The following SWT1 variants were observed in gnomAD, a reference collection of about 807,000 sequenced individuals.
The protein encoded by SWT1 is transcriptional protein SWT1.
SWT1 carries 33 observed loss-of-function variants against 107.3 expected under a neutral mutation model. The observed-to-expected ratio is 0.31, with a 90% CI of 0.23 to 0.41. SWT1 has a LOEUF of 0.41. Among genes scored for constraint, SWT1 ranks in the 10% least tolerant of loss-of-function variants. The pLI is 1.00. For missense variants in SWT1, 898 were observed against 1,028.9 expected (o/e 0.87, Z 1.74); for synonymous variants, 345 against 348.3 (o/e 0.99, Z 0.11).
At chr1:185,216,167 T>C (rs552061712) in intron 14 of SWT1, among the ~76,000 whole-genome samples, 111 of 152,292 alleles carry the variant, frequency 7.3e-4, no homozygotes, top group Middle Eastern at 3.4e-3. Flanking sequence ...AGTGGAAATA[T>C]GTGATCATTC....
At chr1:185,218,326 G>C (rs1408567751) in intron 14 of SWT1, among the ~76,000 whole-genome samples, 1 of 151,920 alleles carries the variant, frequency 6.6e-6, no homozygotes, top group African/African-American at 2.4e-5. Flanking sequence ...TTTTTTGGGA[G>C]ACAGGGTCTC....
At chr1:185,234,975 A>G (rs1660759160) in intron 16 of SWT1, among the ~76,000 whole-genome samples, 1 of 152,192 alleles carries the variant, frequency 6.6e-6, no homozygotes, top group South Asian at 2.1e-4. Context: ...AATTGGATAA[A>G]TTTCTGGACA....
Position 185,204,748 on chromosome 1 carries a change from G to A in SWT1, c.1718G>A (p.Gly573Glu). 1 of 1,600,082 alleles carries A rather than the reference G, an allele frequency of 6.2e-7. No homozygotes were observed. The highest frequency in any genetic ancestry group is 8.5e-7 in the Non-Finnish European group (1 of 1,174,524). Residue 573 changes from glycine to glutamate, a missense_variant, in exon 12 of 19, where the codon GGA becomes GAA. Around this residue, in one of 6 missense-constraint regions of SWT1, gnomAD observed 382 missense variants for 460.0 expected, o/e 0.83. Coordinates refer to ENST00000367500, the MANE Select transcript of SWT1 (RefSeq NM_017673.7). The part of the protein sequence containing the change: ...ESYKEESTNS[G>E]LSILLESIVS... ...TATAAGGAGGAATCTACAAATTCTG[G>A]ACTGTCCATTCTGCTTGAGAGCATT... is the stretch of plus-strand genomic sequence containing the variant.
chr1:185,244,491 A>G (rs528851167), intron 16 of SWT1, among the ~76,000 whole-genome samples: 2 of 152,018 alleles, frequency 1.3e-5, no homozygotes, highest in Middle Eastern at 6.8e-3. Context: ...TATAAAAGAT[A>G]AAAAAAAGGT....
chr1:185,290,759 A>C lies in SWT1; in HGVS notation c.2659A>C (p.Lys887Gln). The C allele has an allele frequency of 6.2e-7, 1 of 1,605,740 alleles. No homozygotes were observed. Among genetic ancestry groups the C allele is most frequent in the Non-Finnish European group, 8.5e-7 (1 of 1,174,574 alleles). ...CAATGCATCTGTTTATATGGAGGCC[A>C]AAAACAGGGGATGGTGTGAAGACAT... Reference protein sequence around the residue: ...QCNASVYMEAKNRGWCEDMLN... With the variant: ...QCNASVYMEAQNRGWCEDMLN... The change falls in exon 19 of 19, where the codon AAA becomes CAA. Residue 887 changes from lysine to glutamine, a missense_variant. Around this residue, in one of 6 missense-constraint regions of SWT1, gnomAD observed 382 missense variants for 460.0 expected, o/e 0.83. Coordinates refer to ENST00000367500, the MANE Select transcript of SWT1 (RefSeq NM_017673.7).
intron 16 of SWT1, among the ~76,000 whole-genome samples, chr1:185,258,338 C>G (rs531626984): frequency 5.9e-4 from 90 of 152,174 alleles, no homozygotes; most frequent in African/African-American, 2.0e-3. Context: ...TTTTAAATCA[C>G]CACTCCAAAT....
intron 16 of SWT1, among the ~76,000 whole-genome samples, chr1:185,242,689 G>C (rs894468104): frequency 2.6e-5 from 4 of 152,078 alleles, no homozygotes; most frequent in Non-Finnish European, 5.9e-5. Context: ...ATTACTTCTT[G>C]AAGACAACAA....
intron 17 of SWT1, 38 bp downstream of exon 17, chr1:185,271,427 C>T: frequency 1.9e-6 from 2 of 1,051,806 alleles, no homozygotes; most frequent in African/African-American, 1.6e-5. Flanking sequence ...CACATTTCTA[C>T]TTTAAACAAA....
intron 10 of SWT1, among the ~76,000 whole-genome samples, chr1:185,191,499 G>A (rs1656946305): frequency 6.6e-6 from 1 of 152,028 alleles, no homozygotes; most frequent in African/African-American, 2.4e-5. Flanking sequence ...TTCTTTCTGT[G>A]AAATGGAGCT....
chr1:185,201,473 A>G (rs1411831465), intron 10 of SWT1, among the ~76,000 whole-genome samples: 1 of 152,150 alleles, frequency 6.6e-6, no homozygotes, highest in Non-Finnish European at 1.5e-5. Flanking sequence ...CTCAGGGCAC[A>G]GTCCCTCACA....
Position 185,222,022 on chromosome 1 carries a change from A to C in SWT1, c.2295A>C (p.Thr765=). 1 of 1,561,230 alleles carries C rather than the reference A, an allele frequency of 6.4e-7. No homozygotes were observed. The highest frequency in any genetic ancestry group is 8.6e-7 in the Non-Finnish European group (1 of 1,160,722). ...IWSILESVWI[T]IYQNSTDVFQ... is the part of the protein sequence containing the mutation. ...CTATCCTAGAGAGTGTTTGGATTAC[A>C]ATATATCAGAACAGGTACTAAATTT... Residue 765 remains threonine, a synonymous_variant, in exon 15 of 19, where the codon ACA becomes ACC. Transcript: ENST00000367500.
At chr1:185,186,534 T>C (rs1056380434) in intron 9 of SWT1, among the ~76,000 whole-genome samples, 3 of 152,146 alleles carry the variant, frequency 2.0e-5, no homozygotes, top group African/African-American at 7.2e-5. Flanking sequence ...AGAAGTTACA[T>C]ACATTGCTAT....
At chr1:185,196,768 A>C (rs1186825571) in intron 10 of SWT1, among the ~76,000 whole-genome samples, 2 of 152,188 alleles carry the variant, frequency 1.3e-5, no homozygotes, top group African/African-American at 4.8e-5. Flanking sequence ...GAGTTCACTC[A>C]TGATTTGGTT....
intron 16 of SWT1, among the ~76,000 whole-genome samples, chr1:185,253,530 A>T (rs1298382547): frequency 6.7e-6 from 1 of 149,324 alleles, no homozygotes; most frequent in East Asian, 2.1e-4. Flanking sequence ...TAGGTATTTT[A>T]TTCTCTTTGA....
intron 7 of SWT1, among the ~76,000 whole-genome samples, chr1:185,183,523 T>C (rs1182060123): frequency 6.6e-6 from 1 of 152,226 alleles, no homozygotes. Context: ...CCTCAGGTGA[T>C]TGGCCCGCCT....
chr1:185,205,508 A>G (rs2102464745), intron 12 of SWT1, among the ~76,000 whole-genome samples: 1 of 152,170 alleles, frequency 6.6e-6, no homozygotes, highest in East Asian at 1.9e-4. Context: ...AGCTGGGATT[A>G]CAGGCATGTG....
intron 6 of SWT1, among the ~76,000 whole-genome samples, 182 bp from the exon 7 acceptor site, chr1:185,181,764 A>G (rs1656036833): frequency 6.6e-6 from 1 of 152,234 alleles, no homozygotes; most frequent in Non-Finnish European, 1.5e-5. Flanking sequence ...GAAGAAAACT[A>G]TTTTGAAAAC....
At chr1:185,162,288 A>G (rs142822859) in intron 2 of SWT1, among the ~76,000 whole-genome samples, 1 of 152,180 alleles carries the variant, frequency 6.6e-6, no homozygotes, top group African/African-American at 2.4e-5. Flanking sequence ...TGCTAAATCC[A>G]TTGGTCATTT....
At chr1:185,248,087 C>T (rs1661734955) in intron 16 of SWT1, among the ~76,000 whole-genome samples, 1 of 152,192 alleles carries the variant, frequency 6.6e-6, no homozygotes, top group Admixed American at 6.5e-5. Context: ...AAAAAGTCAA[C>T]AGTTCCTTCA....
Sources: allele counts gnomAD v4.1 joint callset (sites outside exome capture counted in the v4.1 genomes callset), GRCh38; gene constraint gnomAD v4.1.1; regional missense constraint gnomAD v4.1.1; transcripts MANE v1.5; gene names NCBI Gene and HGNC (gene_info 2026-07-23, HGNC 2026-07-21).